MSRA: variants seen among roughly 807,000 people sequenced by gnomAD.
MSRA encodes mitochondrial peptide methionine sulfoxide reductase.
MSRA carries 54 observed loss-of-function variants against 31.3 expected under a neutral mutation model. The ratio of observed to expected loss-of-function variants is 1.73; its 90% CI spans 1.39 to 2.17. The LOEUF is 2.17. MSRA is among the 30% of genes most tolerant of loss of function. The probability of loss-of-function intolerance (pLI) is 0.00; values close to 1 mark genes in which losing one functional copy is unlikely to be tolerated. For missense variants in MSRA, 507 were observed against 300.9 expected, an observed-to-expected ratio of 1.69 and a Z score of -5.07; for synonymous variants, 169 against 116.5, an observed-to-expected ratio of 1.45 and a Z score of -2.90.
At chr8:10,282,119 GA>G (rs1799655332) in intron 3 of MSRA, among the ~76,000 whole-genome samples, 1 of 152,114 alleles carries the variant, frequency 6.6e-6, no homozygotes, top group South Asian at 2.1e-4. Flanking sequence ...CCTTTCTAAT[GA>G]ATAGTAATAA....
intron 1 of MSRA, among the ~76,000 whole-genome samples, chr8:10,078,655 C>T (rs953938102): frequency 4.6e-5 from 7 of 152,270 alleles, no homozygotes; most frequent in African/African-American, 1.2e-4. Context: ...GCAGGAGAGG[C>T]TGAGGCCCAC....
At chr8:10,067,375 A>C (rs1317184767) in intron 1 of MSRA, among the ~76,000 whole-genome samples, 7 of 152,240 alleles carry the variant, frequency 4.6e-5, no homozygotes, top group African/African-American at 1.4e-4. Context: ...TATTATCAAT[A>C]ATATTCCATT....
chr8:10,423,193 C>G (rs529117734), intron 5 of MSRA, among the ~76,000 whole-genome samples: 2 of 152,204 alleles, frequency 1.3e-5, no homozygotes, highest in African/African-American at 4.8e-5. Context: ...GGTCCCCACC[C>G]TCTTCCTCCT....
intron 4 of MSRA, among the ~76,000 whole-genome samples, chr8:10,304,470 C>T (rs1040350521): frequency 6.6e-6 from 1 of 152,218 alleles, no homozygotes. Context: ...CAAACAATAA[C>T]CAACCCTTAA....
At chr8:10,246,890 T>G (rs996068472) in intron 3 of MSRA, among the ~76,000 whole-genome samples, 1 of 152,218 alleles carries the variant, frequency 6.6e-6, no homozygotes, top group Non-Finnish European at 1.5e-5. Context: ...AAATGAATCC[T>G]GGAGATCACC....
At chr8:10,274,734 T>A (rs1326298858) in intron 3 of MSRA, among the ~76,000 whole-genome samples, 1 of 152,100 alleles carries the variant, frequency 6.6e-6, no homozygotes, top group Non-Finnish European at 1.5e-5. Context: ...CTCATCCATC[T>A]GTACACCCAC....
chr8:10,326,943 T>G (rs926089003), intron 5 of MSRA, among the ~76,000 whole-genome samples: 1 of 152,152 alleles, frequency 6.6e-6, no homozygotes, highest in African/African-American at 2.4e-5. Context: ...TTAAATCTTT[T>G]CCCACTGAGA....
chr8:10,145,747 A>G (rs1167839378), intron 1 of MSRA, among the ~76,000 whole-genome samples: 7 of 152,334 alleles, frequency 4.6e-5, no homozygotes, highest in Non-Finnish European at 7.4e-5. Flanking sequence ...GGCTTATTGT[A>G]TAACTGTCCT....
intron 5 of MSRA, among the ~76,000 whole-genome samples, chr8:10,422,688 A>T (rs1808882792): frequency 6.6e-6 from 1 of 152,170 alleles, no homozygotes; most frequent in Non-Finnish European, 1.5e-5. Flanking sequence ...CCTCCCCTGA[A>T]GTGGAACGTG....
At chr8:10,287,696 C>T (rs4840470) in intron 3 of MSRA, among the ~76,000 whole-genome samples, 21,406 of 152,148 alleles carry the variant, frequency 0.14, 2,253 homozygotes, top group East Asian at 0.45. Context: ...CAGGCAAAGG[C>T]ACGTAGTCTA....
At chr8:10,244,943 G>C (rs970688200) in intron 2 of MSRA, among the ~76,000 whole-genome samples, 161 bp from the exon 3 acceptor site, 1 of 151,844 alleles carries the variant, frequency 6.6e-6, no homozygotes, top group African/African-American at 2.4e-5. Flanking sequence ...CCAATGTTAA[G>C]AACTCTCCTT....
intron 3 of MSRA, among the ~76,000 whole-genome samples, chr8:10,293,191 A>T (rs1354649400): frequency 1.3e-5 from 2 of 152,166 alleles, no homozygotes; most frequent in African/African-American, 4.8e-5. Flanking sequence ...CTGAAGGCAG[A>T]GTCTGAGGTT....
chr8:10,413,706 C>G (rs761102304), intron 5 of MSRA, among the ~76,000 whole-genome samples: 10 of 140,908 alleles, frequency 7.1e-5, no homozygotes, highest in Non-Finnish European at 1.4e-4. Context: ...GATACAATAA[C>G]TTTTTAAAAA....
At chr8:10,073,266 T>A (rs2128919255) in intron 1 of MSRA, among the ~76,000 whole-genome samples, 1 of 152,326 alleles carries the variant, frequency 6.6e-6, no homozygotes, top group South Asian at 2.1e-4. Flanking sequence ...TTGCAGATGC[T>A]GTTTATTGAG....
rs1585594316 is a variant in MSRA, at chr8:10,365,646, T to G, written c.543+45657T>G. The stretch of plus-strand genomic sequence containing the variant: ...AGGAACTACTTATAGACTGAGAACA[T>G]TAACTTTTTACTTGCCTGACTCTAG... On this transcript the variant is annotated intron_variant, in intron 5 of 5. Transcript: ENST00000317173. Among the ~76,000 whole-genome samples the G allele has an allele frequency of 2.0e-5, 3 of 152,336 alleles. No homozygotes were observed. The East Asian group carries it at 5.8e-4, about 29-fold the overall frequency.
chr8:10,362,729 A>C (rs1461245307), intron 5 of MSRA, among the ~76,000 whole-genome samples: 1 of 152,032 alleles, frequency 6.6e-6, no homozygotes, highest in Non-Finnish European at 1.5e-5. Context: ...GGAGGCTGAA[A>C]AATCAAGCTC....
intron 1 of MSRA, among the ~76,000 whole-genome samples, chr8:10,184,043 C>T (rs1043800539): frequency 2.1e-5 from 3 of 144,162 alleles, no homozygotes; most frequent in African/African-American, 5.2e-5. Context: ...TGGTGGTGTT[C>T]GTGATGTTGT....
chr8:10,116,648 C>G (rs528974223), intron 1 of MSRA, among the ~76,000 whole-genome samples: 5 of 152,192 alleles, frequency 3.3e-5, no homozygotes, highest in Admixed American at 2.6e-4. Flanking sequence ...CAGGGTCTGC[C>G]AACACACTGG....
At chr8:10,130,731 G>T (rs767289203) in intron 1 of MSRA, among the ~76,000 whole-genome samples, 1 of 152,162 alleles carries the variant, frequency 6.6e-6, no homozygotes, top group East Asian at 1.9e-4. Context: ...TGCTTTTGAA[G>T]GCATAGAAAG....
Sources: gnomAD v4.1 joint callset for allele counts (sites outside exome capture counted in the v4.1 genomes callset) on GRCh38, gnomAD v4.1.1 for gene constraint, MANE v1.5 for transcripts, NCBI Gene and HGNC (gene_info 2026-07-23, HGNC 2026-07-21) for gene names.